NCKAP5: variants seen among roughly 807,000 people sequenced by gnomAD.
NCKAP5 encodes nck-associated protein 5.
A neutral mutation model predicts 167.0 loss-of-function variants in NCKAP5; 92 were observed. The ratio of observed to expected loss-of-function variants is 0.55; its 90% CI spans 0.47 to 0.66. The LOEUF (loss-of-function observed/expected upper bound fraction) is 0.66. Among genes scored for constraint, NCKAP5 ranks in the 30% least tolerant of loss-of-function variants. The probability of loss-of-function intolerance (pLI) is 0.00; values close to 1 mark genes in which losing one functional copy is unlikely to be tolerated. For missense variants in NCKAP5, 2,378 were observed against 2,315.0 expected, an observed-to-expected ratio of 1.03 and a Z score of -0.56; for synonymous variants, 891 against 877.4, an observed-to-expected ratio of 1.02 and a Z score of -0.27.
chr2:133,183,485 A>T (rs1051155867), intron 5 of NCKAP5, among the ~76,000 whole-genome samples: 1 of 152,152 alleles, frequency 6.6e-6, no homozygotes, highest in Non-Finnish European at 1.5e-5. Flanking sequence ...ATCAACATCA[A>T]TTGATGTGGG....
At chr2:133,143,726 C>A (rs1301071276) in intron 5 of NCKAP5, among the ~76,000 whole-genome samples, 1 of 152,080 alleles carries the variant, frequency 6.6e-6, no homozygotes, top group East Asian at 1.9e-4. Flanking sequence ...TAATGATGAA[C>A]CCTGGCTGAG....
At chr2:132,676,208 C>G (rs532107549) in intron 19 of NCKAP5, among the ~76,000 whole-genome samples, 2 of 144,890 alleles carry the variant, frequency 1.4e-5, no homozygotes, top group South Asian at 2.3e-4. Flanking sequence ...AAGAAAATAA[C>G]AAAATACCCA....
chr2:133,473,104 C>G (rs537009028), intron 3 of NCKAP5, among the ~76,000 whole-genome samples: 1 of 152,070 alleles, frequency 6.6e-6, no homozygotes, highest in Admixed American at 6.6e-5. Flanking sequence ...GAGGCCAAGG[C>G]GGGTGGATCA....
At chr2:133,403,748 C>T (rs996817442) in intron 3 of NCKAP5, among the ~76,000 whole-genome samples, 1 of 152,194 alleles carries the variant, frequency 6.6e-6, no homozygotes, top group African/African-American at 2.4e-5. Context: ...CATCTCATTC[C>T]ACCAGTCCCA....
chr2:132,728,774 C>A (rs1268009100), intron 18 of NCKAP5, 42 bp downstream of exon 18: 1 of 1,602,896 alleles, frequency 6.2e-7, no homozygotes, highest in East Asian at 2.2e-5. Context: ...AGAATCAGGA[C>A]CAACAGGTGG....
At chr2:132,935,685 A>C (rs1231473692) in intron 8 of NCKAP5, among the ~76,000 whole-genome samples, 1 of 152,066 alleles carries the variant, frequency 6.6e-6, no homozygotes, top group Admixed American at 6.6e-5. Flanking sequence ...GTGGAATGGG[A>C]GTTGGAGCAG....
chr2:133,136,659 A>G (rs1021176099), intron 5 of NCKAP5, among the ~76,000 whole-genome samples: 2 of 152,250 alleles, frequency 1.3e-5, no homozygotes, highest in Admixed American at 6.5e-5. Flanking sequence ...TGGGGAAAAC[A>G]TTAGTACTCT....
intron 3 of NCKAP5, among the ~76,000 whole-genome samples, chr2:133,447,573 TCTTCCTTTCCCCTTCCGTTCC>T (rs1559491808): frequency 1.8e-5 from 2 of 112,992 alleles, no homozygotes; most frequent in African/African-American, 3.4e-5. Context: ...CCCTCCCTTC[TCTTCCTTTCCCCTTCCGTTCC>T]CTTCCTTTCC....
At chr2:133,201,773 C>T (rs2085701202) in intron 5 of NCKAP5, among the ~76,000 whole-genome samples, 1 of 152,068 alleles carries the variant, frequency 6.6e-6, no homozygotes, top group Admixed American at 6.6e-5. Flanking sequence ...CGCCTCATTT[C>T]AAAAACAACA....
At chr2:132,692,324 T>C (rs2105149528) in intron 19 of NCKAP5, among the ~76,000 whole-genome samples, 1 of 152,070 alleles carries the variant, frequency 6.6e-6, no homozygotes, top group South Asian at 2.1e-4. Flanking sequence ...GTTGTTGTTG[T>C]TGTTTTTTAG....
intron 5 of NCKAP5, among the ~76,000 whole-genome samples, chr2:133,142,763 G>A (rs1281664234): frequency 6.6e-6 from 1 of 152,098 alleles, no homozygotes; most frequent in Non-Finnish European, 1.5e-5. Context: ...GGGTGATCCA[G>A]CTTACCATAA....
At chr2:132,973,724 TG>T (rs931930456) in intron 7 of NCKAP5, among the ~76,000 whole-genome samples, 3 of 150,976 alleles carry the variant, frequency 2.0e-5, no homozygotes, top group Non-Finnish European at 4.4e-5. Flanking sequence ...CTCACCTTCT[TG>T]GAAAAAAAAA....
At chr2:133,308,299 G>A (rs1194897274) in intron 3 of NCKAP5, among the ~76,000 whole-genome samples, 9 of 151,096 alleles carry the variant, frequency 6.0e-5, no homozygotes, top group Non-Finnish European at 1.3e-4. Context: ...CATTTTAGCC[G>A]GGATGGTCTC....
the NCKAP5 span, among the ~76,000 whole-genome samples, chr2:133,582,222 C>T: frequency 6.6e-6 from 1 of 152,198 alleles, no homozygotes; most frequent in South Asian, 2.1e-4. Flanking sequence ...AGGAGTCTAT[C>T]AGAAATGCAA....
At chr2:133,293,781 C>G (rs1264218462) in intron 4 of NCKAP5, among the ~76,000 whole-genome samples, 2 of 152,122 alleles carry the variant, frequency 1.3e-5, no homozygotes, top group Non-Finnish European at 2.9e-5. Flanking sequence ...AGGCCAGACT[C>G]TTATCCTGGC....
the NCKAP5 span, among the ~76,000 whole-genome samples, chr2:133,656,196 C>T: frequency 6.6e-6 from 1 of 152,098 alleles, no homozygotes; most frequent in Non-Finnish European, 1.5e-5. Context: ...GACTCTACCA[C>T]CAAGCTATTT....
intron 2 of NCKAP5, among the ~76,000 whole-genome samples, chr2:133,535,823 A>G (rs1685718256): frequency 6.6e-6 from 1 of 152,144 alleles, no homozygotes; most frequent in African/African-American, 2.4e-5. Flanking sequence ...ACTTTTTAGT[A>G]ATAGCCATTC....
chr2:132,901,362 T>G (rs1186756314), intron 8 of NCKAP5, among the ~76,000 whole-genome samples: 1 of 152,214 alleles, frequency 6.6e-6, no homozygotes, highest in Non-Finnish European at 1.5e-5. Flanking sequence ...CTTGAAAACA[T>G]GACCAAATTC....
At chr2:133,492,494 G>C (rs1400458957) in intron 3 of NCKAP5, among the ~76,000 whole-genome samples, 1 of 152,118 alleles carries the variant, frequency 6.6e-6, no homozygotes, top group Non-Finnish European at 1.5e-5. Context: ...CGTGGTCTCT[G>C]AAGGGAGCAC....
Sources: gnomAD v4.1 joint callset for allele counts (sites outside exome capture counted in the v4.1 genomes callset) on GRCh38, gnomAD v4.1.1 for gene constraint, MANE v1.5 for transcripts, NCBI Gene and HGNC (gene_info 2026-07-23, HGNC 2026-07-21) for gene names.